The following GALNTL6 variants were observed in gnomAD, a reference collection of about 807,000 sequenced individuals.
The protein encoded by GALNTL6 is polypeptide N-acetylgalactosaminyltransferase-like 6.
A neutral mutation model predicts 73.7 loss-of-function variants in GALNTL6; 46 were observed. That is an observed-to-expected ratio of 0.62 (90% CI 0.49 to 0.80). GALNTL6 has a LOEUF of 0.80. Among genes scored for constraint, GALNTL6 ranks in the 30% least tolerant of loss-of-function variants. The pLI is 0.00. For missense variants in GALNTL6, 604 were observed against 755.0 expected (o/e 0.80, Z 2.34); for synonymous variants, 259 against 263.7 (o/e 0.98, Z 0.17).
At chr4:172,793,210 T>A (rs1048554354) in intron 5 of GALNTL6, among the ~76,000 whole-genome samples, 3 of 152,208 alleles carry the variant, frequency 2.0e-5, no homozygotes, top group Admixed American at 2.0e-4. Flanking sequence ...TTAACTAATG[T>A]TTTAATCACT....
intron 2 of GALNTL6, chr4:172,052,317 G>C (rs188473403): frequency 3.2e-6 from 2 of 615,442 alleles, no homozygotes; most frequent in Non-Finnish European, 5.7e-6. Flanking sequence ...GGAAGAGCTC[G>C]GGTATATTGT....
chr4:172,909,368 A>C, intron 8 of GALNTL6, among the ~76,000 whole-genome samples: 1 of 135,228 alleles, frequency 7.4e-6, no homozygotes, highest in African/African-American at 2.7e-5. Context: ...ATAAAATATT[A>C]TGTGAAAATA....
chr4:171,833,304 A>T (rs1364744224), intron 2 of GALNTL6, among the ~76,000 whole-genome samples: 2 of 151,008 alleles, frequency 1.3e-5, no homozygotes, highest in East Asian at 3.9e-4. Flanking sequence ...TGCTGACAAC[A>T]AATGGTATCT....
rs115665316 is a variant in GALNTL6, at chr4:171,962,860, C to T, written c.138+148142C>T. Among the ~76,000 whole-genome samples, 905 of 148,146 alleles carry T rather than the reference C, an allele frequency of 6.1e-3. 8 individuals are homozygous for T. Among genetic ancestry groups the T allele is most frequent in the African/African-American group, 0.021 (858 of 39,978 alleles). ...CAGCTCACTACAACCTTGAAACCTC[C>T]GGGTTCAAGCGACTGTCCTGCCCCA... On this transcript the variant is annotated intron_variant, in intron 2 of 12. Coordinates refer to ENST00000506823, the MANE Select transcript of GALNTL6 (RefSeq NM_001034845.3).
At chr4:172,278,878 C>T (rs1738930885) in intron 3 of GALNTL6, among the ~76,000 whole-genome samples, 2 of 151,990 alleles carry the variant, frequency 1.3e-5, no homozygotes, top group Admixed American at 6.6e-5. Flanking sequence ...CAGACACAGG[C>T]CAATGGACTG....
intron 12 of GALNTL6, among the ~76,000 whole-genome samples, chr4:173,022,094 G>GGAAGGAAGGAAA (rs1753030200): frequency 8.0e-5 from 8 of 100,386 alleles, no homozygotes; most frequent in African/African-American, 1.4e-4. Context: ...AAGGAAAGAA[G>GGAAGGAAGGAAA]GAAGGAAGGA....
At chr4:171,923,275 A>T (rs1194100346) in intron 2 of GALNTL6, among the ~76,000 whole-genome samples, 1 of 152,150 alleles carries the variant, frequency 6.6e-6, no homozygotes, top group Non-Finnish European at 1.5e-5. Context: ...TGCAGTTTTA[A>T]AGAATGTACT....
intron 2 of GALNTL6, among the ~76,000 whole-genome samples, chr4:171,894,822 C>T (rs2110932551): frequency 6.6e-6 from 1 of 151,966 alleles, no homozygotes; most frequent in African/African-American, 2.4e-5. Flanking sequence ...TTATTTGAGA[C>T]ATGTCTGGCA....
intron 5 of GALNTL6, among the ~76,000 whole-genome samples, chr4:172,708,480 G>A (rs1185703993): frequency 5.3e-5 from 8 of 152,134 alleles, no homozygotes; most frequent in Admixed American, 5.2e-4. Flanking sequence ...TAAATAGACT[G>A]GGTTCACATT....
At chr4:172,101,454 C>CGT (rs1732517241) in intron 2 of GALNTL6, among the ~76,000 whole-genome samples, 1 of 151,644 alleles carries the variant, frequency 6.6e-6, no homozygotes, top group Non-Finnish European at 1.5e-5. Context: ...ATTCTGCTGA[C>CGT]GAGAGAGAGA....
At chr4:172,291,494 A>G (rs1474172620) in intron 3 of GALNTL6, among the ~76,000 whole-genome samples, 1 of 152,148 alleles carries the variant, frequency 6.6e-6, no homozygotes, top group African/African-American at 2.4e-5. Context: ...GATACTAAAA[A>G]ATCATATCTG....
At chr4:172,032,551 C>A (rs1355636348) in intron 2 of GALNTL6, among the ~76,000 whole-genome samples, 1 of 151,984 alleles carries the variant, frequency 6.6e-6, no homozygotes, top group East Asian at 1.9e-4. Context: ...TTTCTGCACA[C>A]AAAATTTGTC....
chr4:172,633,647 A>C (rs549812648), intron 5 of GALNTL6, among the ~76,000 whole-genome samples: 1 of 152,192 alleles, frequency 6.6e-6, no homozygotes, highest in Non-Finnish European at 1.5e-5. Flanking sequence ...TCTATTGGGA[A>C]GGCATGATTG....
chr4:171,877,316 G>A (rs1044856771), intron 2 of GALNTL6, among the ~76,000 whole-genome samples: 1 of 152,094 alleles, frequency 6.6e-6, no homozygotes, highest in African/African-American at 2.4e-5. Flanking sequence ...ACACAAAGAA[G>A]CAGCCCTATC....
intron 2 of GALNTL6, among the ~76,000 whole-genome samples, chr4:171,825,334 G>T (rs1273437761): frequency 6.6e-6 from 1 of 152,076 alleles, no homozygotes. Flanking sequence ...AAACCAGCTG[G>T]CCGGAAAGAC....
At chr4:171,819,617 T>C (rs1734630870) in intron 2 of GALNTL6, among the ~76,000 whole-genome samples, 1 of 152,116 alleles carries the variant, frequency 6.6e-6, no homozygotes, top group East Asian at 1.9e-4. Flanking sequence ...TGACAACCCT[T>C]AGAAAGTTTG....
chr4:172,725,568 T>A (rs541449351), intron 5 of GALNTL6, among the ~76,000 whole-genome samples: 1 of 152,262 alleles, frequency 6.6e-6, no homozygotes, highest in South Asian at 2.1e-4. Context: ...GCCAAAACGT[T>A]GAGAGACTAT....
At chr4:172,636,461 A>G (rs2111109128) in intron 5 of GALNTL6, among the ~76,000 whole-genome samples, 1 of 152,292 alleles carries the variant, frequency 6.6e-6, no homozygotes, top group South Asian at 2.1e-4. Context: ...ATTCCTCTAC[A>G]TTACTTGGGC....
intron 2 of GALNTL6, among the ~76,000 whole-genome samples, chr4:171,892,712 C>A (rs1316811358): frequency 6.6e-6 from 1 of 152,054 alleles, no homozygotes; most frequent in Non-Finnish European, 1.5e-5. Context: ...CACTTTATGA[C>A]ACAACACCTG....
Sources: allele counts gnomAD v4.1 joint callset (sites outside exome capture counted in the v4.1 genomes callset), GRCh38; gene constraint gnomAD v4.1.1; transcripts MANE v1.5; gene names NCBI Gene and HGNC (gene_info 2026-07-23, HGNC 2026-07-21).